STK39: variants seen among roughly 807,000 people sequenced by gnomAD.
The protein encoded by STK39 is STE20/SPS1-related proline-alanine-rich protein kinase.
A neutral mutation model predicts 77.8 loss-of-function variants in STK39; 20 were observed. That is an observed-to-expected ratio of 0.26 (90% CI 0.18 to 0.37). STK39 has a LOEUF of 0.37. Ranked by LOEUF, STK39 falls within the 10% of genes least tolerant of loss-of-function variation. STK39 has a pLI of 1.00. For synonymous variants in STK39, 246 were observed against 234.1 expected (o/e 1.05, Z -0.47); for missense variants, 479 against 656.5 (o/e 0.73, Z 2.95).
chr2:168,006,266 C>T (rs865925443), intron 16 of STK39, among the ~76,000 whole-genome samples: 8 of 152,132 alleles, frequency 5.3e-5, no homozygotes, highest in African/African-American at 1.9e-4. Context: ...TTGTAGGAGT[C>T]GGTAAGCAGG....
At chr2:168,131,531 G>A (rs902239437) in intron 8 of STK39, among the ~76,000 whole-genome samples, 26 of 152,172 alleles carry the variant, frequency 1.7e-4, no homozygotes, top group African/African-American at 6.3e-4. Context: ...ACGTGCATCA[G>A]TACACAAACT....
chr2:168,244,400 A>G (rs1690846867), intron 1 of STK39, among the ~76,000 whole-genome samples: 1 of 152,216 alleles, frequency 6.6e-6, no homozygotes, highest in Non-Finnish European at 1.5e-5. Flanking sequence ...TGGAAAGTTA[A>G]AACACGGTGC....
At chr2:168,128,147 G>A (rs1331951434) in intron 10 of STK39, among the ~76,000 whole-genome samples, 1 of 152,124 alleles carries the variant, frequency 6.6e-6, no homozygotes, top group Non-Finnish European at 1.5e-5. Flanking sequence ...AACAGGATGG[G>A]ATCAGATGAC....
chr2:168,127,673 T>C (rs571747685), intron 10 of STK39, among the ~76,000 whole-genome samples: 1 of 152,226 alleles, frequency 6.6e-6, no homozygotes, highest in African/African-American at 2.4e-5. Context: ...TTTAAATTTC[T>C]ATTTTTTCAT....
chr2:168,167,969 A>C (rs1688730719), intron 2 of STK39, among the ~76,000 whole-genome samples: 1 of 152,354 alleles, frequency 6.6e-6, no homozygotes, highest in African/African-American at 2.4e-5. Context: ...AACTAAAAAA[A>C]GGAGGTGGCA....
At chr2:168,179,005 T>C (rs999504083) in intron 2 of STK39, among the ~76,000 whole-genome samples, 8 of 152,116 alleles carry the variant, frequency 5.3e-5, no homozygotes, top group Non-Finnish European at 1.0e-4. Context: ...TCAGGAGGTG[T>C]TACAGTTTCA....
chr2:168,233,852 T>C (rs1690524951), intron 1 of STK39, among the ~76,000 whole-genome samples: 1 of 152,224 alleles, frequency 6.6e-6, no homozygotes, highest in Non-Finnish European at 1.5e-5. Context: ...TGACACATTA[T>C]GATATTTCTG....
intron 14 of STK39, among the ~76,000 whole-genome samples, chr2:168,028,708 G>T (rs1336059960): frequency 6.6e-6 from 1 of 152,112 alleles, no homozygotes; most frequent in Non-Finnish European, 1.5e-5. Context: ...CATTATTTGT[G>T]CCTTTAAGTT....
intron 7 of STK39, among the ~76,000 whole-genome samples, chr2:168,140,052 A>G (rs1190328938): frequency 6.6e-6 from 1 of 152,200 alleles, no homozygotes; most frequent in African/African-American, 2.4e-5. Context: ...AACCAATCTG[A>G]TAACATTATT....
intron 2 of STK39, among the ~76,000 whole-genome samples, chr2:168,172,330 T>C (rs1688849263): frequency 6.6e-6 from 1 of 152,214 alleles, no homozygotes; most frequent in African/African-American, 2.4e-5. Flanking sequence ...AGGACACATC[T>C]GTTGGCCCCA....
chr2:168,216,366 T>C (rs1401800901), intron 1 of STK39, among the ~76,000 whole-genome samples: 2 of 152,268 alleles, frequency 1.3e-5, no homozygotes, highest in Admixed American at 6.5e-5. Flanking sequence ...GTTTTTGTTT[T>C]GTTTTGAGGC....
At chr2:168,042,472 G>A (rs1402094005) in intron 14 of STK39, among the ~76,000 whole-genome samples, 1 of 152,046 alleles carries the variant, frequency 6.6e-6, no homozygotes, top group African/African-American at 2.4e-5. Flanking sequence ...TCCTATTTAA[G>A]TCCGGTTAGC....
At position 168,112,704 on chromosome 2, in the gene STK39, T is replaced by C. The variant is rs149482882; in HGVS notation, c.1089+16837A>G. Among the ~76,000 whole-genome samples, 611 of 152,290 alleles carry C rather than the reference T, an allele frequency of 4.0e-3. 4 individuals are homozygous for C. Among genetic ancestry groups the C allele is most frequent in the African/African-American group, 0.014 (594 of 41,564 alleles). ...ACTTCCAGTAAGATTTTTTTAATGG[T>C]TCACAGAATTTTAATACCAGCGGTT... On this transcript the variant is annotated intron_variant, in intron 10 of 17. Transcript: ENST00000355999.
chr2:168,062,886 G>A (rs1685698099), intron 14 of STK39, among the ~76,000 whole-genome samples: 1 of 151,898 alleles, frequency 6.6e-6, no homozygotes, highest in African/African-American at 2.4e-5. Flanking sequence ...CAAATTCTTA[G>A]CAAAGAACAT....
intron 16 of STK39, among the ~76,000 whole-genome samples, chr2:167,983,704 G>T: frequency 6.6e-6 from 1 of 152,236 alleles, no homozygotes; most frequent in Non-Finnish European, 1.5e-5. Context: ...CTCTGACACT[G>T]GACGCTGGGA....
chr2:168,040,367 T>G (rs748890457), intron 14 of STK39, among the ~76,000 whole-genome samples: 1 of 152,230 alleles, frequency 6.6e-6, no homozygotes, highest in Non-Finnish European at 1.5e-5. Flanking sequence ...AACCCTTAAG[T>G]TGAAAAGCGT....
intron 1 of STK39, among the ~76,000 whole-genome samples, chr2:168,183,609 G>T (rs1480056884): frequency 6.6e-6 from 1 of 152,258 alleles, no homozygotes; most frequent in South Asian, 2.1e-4. Context: ...CATCCTATAT[G>T]GTTCAACAGA....
At chr2:168,139,425 A>ATATATATATATATATATATATATATATAT (rs1559115956) in intron 7 of STK39, among the ~76,000 whole-genome samples, 3 of 131,848 alleles carry the variant, frequency 2.3e-5, no homozygotes, top group African/African-American at 9.9e-5. Flanking sequence ...TATATATATA[A>ATATATATATATATATATATATATATATAT]AAACAATAAA....
chr2:168,130,838 T>C (rs1419914663), intron 8 of STK39, among the ~76,000 whole-genome samples: 2 of 152,124 alleles, frequency 1.3e-5, no homozygotes, highest in Admixed American at 6.6e-5. Flanking sequence ...AACGGGAGTA[T>C]AGGGTTGCTC....
Sources: allele counts gnomAD v4.1 joint callset (sites outside exome capture counted in the v4.1 genomes callset), GRCh38; gene constraint gnomAD v4.1.1; transcripts MANE v1.5; gene names NCBI Gene and HGNC (gene_info 2026-07-23, HGNC 2026-07-21).